CALN1: variants seen among roughly 807,000 people sequenced by gnomAD.
CALN1 encodes the protein calcium-binding protein 8.
Under a neutral mutation model 30.6 loss-of-function variants are expected in CALN1, and 17 were observed. That is an observed-to-expected ratio of 0.56 (90% CI 0.38 to 0.83). The LOEUF is 0.83. Among genes scored for constraint, CALN1 ranks in the 40% least tolerant of loss-of-function variants. CALN1 has a pLI of 0.00. For synonymous variants in CALN1, 156 were observed against 131.4 expected (o/e 1.19, Z -1.28); for missense variants, 291 against 354.9 (o/e 0.82, Z 1.45).
chr7:72,487,913 A>AAGGAAG, the CALN1 span, among the ~76,000 whole-genome samples: 31 of 76,210 alleles, frequency 4.1e-4, no homozygotes, highest in Non-Finnish European at 6.0e-4. Context: ...AAAGAAAGAA[A>AAGGAAG]GAAAGAAGGA....
intron 4 of CALN1, among the ~76,000 whole-genome samples, chr7:72,094,191 T>C (rs1343857702): frequency 2.0e-5 from 3 of 152,200 alleles, no homozygotes; most frequent in Admixed American, 1.3e-4. Context: ...GGTGTAACAA[T>C]GGACTCTAGG....
intron 5 of CALN1, among the ~76,000 whole-genome samples, chr7:71,831,735 A>C (rs1185842602): frequency 1.3e-5 from 2 of 151,650 alleles, no homozygotes; most frequent in African/African-American, 4.8e-5. Flanking sequence ...AAAAATACAA[A>C]AACAAGCCGG....
intron 3 of CALN1, among the ~76,000 whole-genome samples, chr7:72,186,757 G>C (rs1790219048): frequency 6.6e-6 from 1 of 152,082 alleles, no homozygotes; most frequent in Admixed American, 6.5e-5. Flanking sequence ...CTTTTTTACA[G>C]TTGTGTAGTA....
chr7:71,980,115 T>C (rs1423999708), intron 5 of CALN1, among the ~76,000 whole-genome samples: 2 of 150,856 alleles, frequency 1.3e-5, no homozygotes, highest in Admixed American at 1.3e-4. Context: ...TGACCTCAGG[T>C]GATTCTCTTG....
chr7:71,810,446 T>C lies in CALN1; in HGVS notation c.548A>G (p.Tyr183Cys), dbSNP rs761440520. ...CGTTAGGTGGTCTCGGAAGGCATGA[T>C]AGAGAATGTGCTTCAACTCTTCCAG... ...ITLEELKHIL[Y>C]HAFRDHLTMK... Residue 183 changes from tyrosine (Y) to cysteine (C), a missense_variant, in exon 6 of 7, where the codon TAT becomes TGT. Coordinates refer to ENST00000395275, the MANE Select transcript of CALN1 (RefSeq NM_031468.4). The C allele has an allele frequency of 1.2e-5, 19 of 1,613,994 alleles. No homozygotes were observed. The highest frequency in any genetic ancestry group is 2.2e-5 in the South Asian group (2 of 91,064).
At chr7:72,420,361 T>A (rs1807565419) in intron 1 of CALN1, among the ~76,000 whole-genome samples, 1 of 152,086 alleles carries the variant, frequency 6.6e-6, no homozygotes, top group South Asian at 2.1e-4. Context: ...CAACACTTCC[T>A]CTTGCAACCC....
chr7:72,116,232 A>G (rs374911844), intron 3 of CALN1, among the ~76,000 whole-genome samples: 132 of 152,332 alleles, frequency 8.7e-4, no homozygotes, highest in African/African-American at 3.1e-3. Flanking sequence ...AGCCGAGCCC[A>G]GTCCTGAAGG....
At chr7:72,148,140 A>G (rs1443401406) in intron 3 of CALN1, among the ~76,000 whole-genome samples, 23 of 139,602 alleles carry the variant, frequency 1.6e-4, no homozygotes, top group Admixed American at 8.7e-4. Flanking sequence ...CAAACAAACA[A>G]ACAGAAAAAA....
At chr7:72,088,405 A>G (rs576748165) in intron 4 of CALN1, among the ~76,000 whole-genome samples, 1 of 152,192 alleles carries the variant, frequency 6.6e-6, no homozygotes, top group African/African-American at 2.4e-5. Context: ...CCTTCAAAAG[A>G]AAAGGGTTAT....
intron 3 of CALN1, among the ~76,000 whole-genome samples, chr7:72,273,486 G>T (rs1797133879): frequency 7.0e-6 from 1 of 142,634 alleles, no homozygotes; most frequent in Admixed American, 7.2e-5. Flanking sequence ...GGGATAAAGT[G>T]AAGAAGGCAA....
At chr7:72,213,592 TGGG>T (rs936582846) in intron 3 of CALN1, among the ~76,000 whole-genome samples, 49 of 152,218 alleles carry the variant, frequency 3.2e-4, no homozygotes, top group African/African-American at 1.2e-3. Flanking sequence ...ATAAAGCTGT[TGGG>T]GGAAAAAAAG....
intron 5 of CALN1, among the ~76,000 whole-genome samples, chr7:71,846,768 G>GTATA (rs1297624447): frequency 1.4e-5 from 2 of 145,412 alleles, no homozygotes; most frequent in African/African-American, 2.5e-5. Context: ...GTATATACAC[G>GTATA]TATATAAATA....
At chr7:71,950,628 G>A (rs1796642396) in intron 5 of CALN1, among the ~76,000 whole-genome samples, 1 of 152,012 alleles carries the variant, frequency 6.6e-6, no homozygotes, top group Non-Finnish European at 1.5e-5. Context: ...TAACACCCCC[G>A]ATCCACAGAG....
chr7:72,020,494 G>T (rs557411388), intron 5 of CALN1, among the ~76,000 whole-genome samples: 2 of 152,242 alleles, frequency 1.3e-5, no homozygotes, highest in East Asian at 3.9e-4. Context: ...GCAGGCAGTC[G>T]CAGGGGGAAG....
At chr7:72,096,078 T>TAGATAGAC (rs1402598223) in intron 4 of CALN1, among the ~76,000 whole-genome samples, 1 of 151,554 alleles carries the variant, frequency 6.6e-6, no homozygotes, top group Non-Finnish European at 1.5e-5. Flanking sequence ...GATAGATAGA[T>TAGATAGAC]AGATAGATAG....
In CALN1 at chr7:72,068,071, G is replaced by A. The variant is rs77180734; in HGVS notation, c.388+38080C>T. 5.6e-3 allele frequency among the ~76,000 whole-genome samples: 852 copies of A among 152,190 alleles called. 3 individuals are homozygous for A. Among genetic ancestry groups the A allele is most frequent in the Middle Eastern group, 0.017 (5 of 294 alleles). On this transcript the variant is annotated intron_variant, in intron 4 of 6. Coordinates refer to ENST00000395275, the MANE Select transcript of CALN1 (RefSeq NM_031468.4). ...TTATCACCAACCAATTTGTGCCCAC[G>A]TGTTAATGCATAAATATCATCCTCA...
chr7:72,390,717 C>T (rs930006458), intron 2 of CALN1, among the ~76,000 whole-genome samples: 6 of 152,162 alleles, frequency 3.9e-5, no homozygotes, highest in African/African-American at 1.4e-4. Flanking sequence ...GTTGTTTATG[C>T]TTACCCTAAC....
chr7:72,352,533 G>A (rs1802988233), intron 2 of CALN1, among the ~76,000 whole-genome samples: 1 of 151,860 alleles, frequency 6.6e-6, no homozygotes, highest in Non-Finnish European at 1.5e-5. Flanking sequence ...GTAAAAAACA[G>A]TTTTGCATAA....
At chr7:72,250,711 G>T (rs1447511984) in intron 3 of CALN1, among the ~76,000 whole-genome samples, 1 of 151,868 alleles carries the variant, frequency 6.6e-6, no homozygotes, top group Non-Finnish European at 1.5e-5. Flanking sequence ...CTGGCATCTC[G>T]CTTACTCCCC....
Sources: gnomAD v4.1 joint callset for allele counts (sites outside exome capture counted in the v4.1 genomes callset) on GRCh38, gnomAD v4.1.1 for gene constraint, MANE v1.5 for transcripts, NCBI Gene and HGNC (gene_info 2026-07-23, HGNC 2026-07-21) for gene names.